CTNNA3: variants seen among roughly 807,000 people sequenced by gnomAD.
The protein encoded by CTNNA3 is catenin alpha-3.
CTNNA3 carries 76 observed loss-of-function variants against 95.7 expected under a neutral mutation model. That is an observed-to-expected ratio of 0.79 (90% CI 0.66 to 0.96). CTNNA3 has a LOEUF of 0.96. CTNNA3 is among the 40% of genes least tolerant of loss of function. CTNNA3 has a pLI of 0.00. For synonymous variants in CTNNA3, 431 were observed against 374.4 expected (o/e 1.15, Z -1.74); for missense variants, 1,191 against 1,089.8 (o/e 1.09, Z -1.31).
intron 7 of CTNNA3, among the ~76,000 whole-genome samples, chr10:66,988,820 A>C (rs564581656): frequency 6.6e-6 from 1 of 152,024 alleles, no homozygotes; most frequent in Non-Finnish European, 1.5e-5. Flanking sequence ...ATAGATCATT[A>C]TAAACCTCTT....
chr10:66,656,335 T>C (rs1846072728), intron 9 of CTNNA3, among the ~76,000 whole-genome samples: 1 of 152,146 alleles, frequency 6.6e-6, no homozygotes, highest in African/African-American at 2.4e-5. Flanking sequence ...GAGTTTTACA[T>C]TATGTTTCTT....
intron 14 of CTNNA3, among the ~76,000 whole-genome samples, chr10:66,081,280 A>C (rs1255872466): frequency 6.6e-6 from 1 of 152,132 alleles, no homozygotes; most frequent in Non-Finnish European, 1.5e-5. Context: ...ATGGTGGCAA[A>C]AAGTAAGTAA....
At chr10:66,120,508 G>A (rs2082532652) in intron 13 of CTNNA3, among the ~76,000 whole-genome samples, 1 of 152,078 alleles carries the variant, frequency 6.6e-6, no homozygotes, top group African/African-American at 2.4e-5. Context: ...AACTTTTAGA[G>A]TCTAGATTCC....
Position 66,854,078 on chromosome 10 carries a change from A to T in CTNNA3, c.1048-78554T>A, listed in dbSNP as rs1006369673. On this transcript the variant is annotated intron_variant, in intron 7 of 17. Coordinates refer to ENST00000433211, the MANE Select transcript of CTNNA3 (RefSeq NM_013266.4). ...TAAAGTAAATGACCAGGAACAGAGAAATGCCCTCATTTCTTATTTATTGGT... is the reference window on the plus strand; with the variant it reads ...TAAAGTAAATGACCAGGAACAGAGATATGCCCTCATTTCTTATTTATTGGT... Among the ~76,000 whole-genome samples, 6 of 152,094 alleles carry T rather than the reference A, an allele frequency of 3.9e-5. No homozygotes were observed. In the East Asian group the frequency reaches 9.6e-4, roughly 24 times the overall value.
intron 5 of CTNNA3, among the ~76,000 whole-genome samples, chr10:67,411,232 G>A (rs1845355980): frequency 6.6e-6 from 1 of 152,102 alleles, no homozygotes; most frequent in African/African-American, 2.4e-5. Context: ...AAAAGTATAT[G>A]AGGTCATGTG....
intron 6 of CTNNA3, among the ~76,000 whole-genome samples, chr10:67,182,485 A>T (rs985802723): frequency 6.6e-6 from 1 of 152,116 alleles, no homozygotes; most frequent in Non-Finnish European, 1.5e-5. Context: ...GGCTAGCCAT[A>T]TGTAGAAAGC....
intron 13 of CTNNA3, among the ~76,000 whole-genome samples, chr10:66,223,021 C>T (rs868557615): frequency 5.3e-5 from 8 of 151,874 alleles, no homozygotes; most frequent in Non-Finnish European, 8.8e-5. Context: ...TCAAAGTTCA[C>T]GTGCTCAAAT....
chr10:66,795,792 T>C (rs1357636687), intron 7 of CTNNA3, among the ~76,000 whole-genome samples: 3 of 152,200 alleles, frequency 2.0e-5, no homozygotes, highest in Non-Finnish European at 2.9e-5. Flanking sequence ...TCTGGATAAC[T>C]TGCTGCACCT....
At chr10:66,209,381 C>G (rs532288500) in intron 13 of CTNNA3, among the ~76,000 whole-genome samples, 1 of 152,182 alleles carries the variant, frequency 6.6e-6, no homozygotes, top group South Asian at 2.1e-4. Flanking sequence ...ATGGAGAGAA[C>G]AAGATGGGAG....
rs1215649692 is a variant in CTNNA3 at position 67,742,388 on chromosome 10, C to T, written c.-2+21046G>A. Among the ~76,000 whole-genome samples the T allele has an allele frequency of 1.3e-5, 2 of 151,174 alleles. 1 individual carries two copies. On this transcript the variant is annotated intron_variant, in intron 1 of 17. Coordinates refer to the CTNNA3 transcript ENST00000684154. ...AACTACATGGAAACTGAACAACCCG[C>T]TCCTGAATGACTACTGGGTACATAA... is the stretch of plus-strand genomic sequence containing the variant.
At position 66,122,871 on chromosome 10, in the gene CTNNA3, C is replaced by G. The variant is rs150591121; in HGVS notation, c.1885-19622G>C. Among the ~76,000 whole-genome samples the G allele has an allele frequency of 2.0e-3, 301 of 152,286 alleles. 1 individual carries two copies. Among genetic ancestry groups the G allele is most frequent in the Middle Eastern group, 0.017 (5 of 294 alleles). ...TGAGACTCATTTACTATCATGAGAA[C>G]AGTGCAGGAAAAACCTGGCCCCATA... On this transcript the variant is annotated intron_variant, in intron 13 of 17. Transcript: ENST00000433211.
At chr10:66,806,820 A>G (rs1169191930) in intron 7 of CTNNA3, among the ~76,000 whole-genome samples, 1 of 150,566 alleles carries the variant, frequency 6.6e-6, no homozygotes, top group Non-Finnish European at 1.5e-5. Context: ...ACAATGTGGT[A>G]TGTGTATATA....
In CTNNA3 at chr10:66,176,053, A is replaced by C. The variant is rs2085692405; in HGVS notation, c.1885-72804T>G. 2.6e-5 allele frequency among the ~76,000 whole-genome samples: 4 copies of C among 152,168 alleles called. No homozygotes were observed. The South Asian group carries it at 8.3e-4, about 31-fold the overall frequency. On this transcript the variant is annotated intron_variant, in intron 13 of 17. Transcript: ENST00000433211. ...ACAGTTTTATTTTCTGTATTTCAGG[A>C]AACGTAATTGGTGATAATCATTATA...
chr10:67,436,809 A>C (rs113601418), intron 5 of CTNNA3, among the ~76,000 whole-genome samples: 150 of 152,340 alleles, frequency 9.8e-4, no homozygotes, highest in African/African-American at 3.5e-3. Flanking sequence ...CCATAAGCAA[A>C]AAATCAAAAA....
At chr10:66,469,130 G>A (rs1839036602) in intron 11 of CTNNA3, among the ~76,000 whole-genome samples, 1 of 151,900 alleles carries the variant, frequency 6.6e-6, no homozygotes, top group Non-Finnish European at 1.5e-5. Context: ...GACACAGGGA[G>A]TACAATGGTG....
chr10:66,847,703 C>T lies in CTNNA3; in HGVS notation c.1048-72179G>A, dbSNP rs1011957484. On this transcript the variant is annotated intron_variant, in intron 7 of 17. Coordinates refer to ENST00000433211, the MANE Select transcript of CTNNA3 (RefSeq NM_013266.4). ...TTATTTACCTTAGTGCAAAATGGTACCAGATTCTGTAGGAGATATAAAAAG... is the reference window on the plus strand; with the variant it reads ...TTATTTACCTTAGTGCAAAATGGTATCAGATTCTGTAGGAGATATAAAAAG... 4.6e-5 allele frequency among the ~76,000 whole-genome samples: 7 copies of T among 152,068 alleles called. No individual in the cohort carries two copies. The East Asian group carries it at 1.4e-3, about 29-fold the overall frequency.
chr10:66,384,100 T>C (rs1158170383), intron 11 of CTNNA3, among the ~76,000 whole-genome samples: 3 of 152,086 alleles, frequency 2.0e-5, no homozygotes, highest in African/African-American at 7.2e-5. Context: ...ATAATAATAC[T>C]AACCTTAAGT....
intron 7 of CTNNA3, among the ~76,000 whole-genome samples, chr10:66,931,977 C>A (rs1316884974): frequency 1.3e-5 from 2 of 152,076 alleles, no homozygotes; most frequent in African/African-American, 4.8e-5. Context: ...TCAAAAGAGT[C>A]AGCATCAGTC....
intron 7 of CTNNA3, among the ~76,000 whole-genome samples, chr10:66,902,975 T>C (rs530604220): frequency 4.3e-4 from 66 of 152,294 alleles, no homozygotes; most frequent in African/African-American, 1.6e-3. Flanking sequence ...CCATTCCTTC[T>C]GAAACTATTC....
Sources: gnomAD v4.1 joint callset for allele counts (sites outside exome capture counted in the v4.1 genomes callset) on GRCh38, gnomAD v4.1.1 for gene constraint, MANE v1.5 for transcripts, NCBI Gene and HGNC (gene_info 2026-07-23, HGNC 2026-07-21) for gene names.